The following NRG3 variants were observed in gnomAD, a reference collection of about 807,000 sequenced individuals.
NRG3 encodes the protein neuregulin 3.
In NRG3, 31 loss-of-function variants were observed where a neutral mutation model predicts 66.9. That is an observed-to-expected ratio of 0.46 (90% CI 0.35 to 0.63). The LOEUF is 0.63. NRG3 is among the 20% of genes least tolerant of loss of function. The probability of loss-of-function intolerance (pLI) is 0.00; values close to 1 mark genes in which losing one functional copy is unlikely to be tolerated. For synonymous variants in NRG3, 393 were observed against 359.4 expected (o/e 1.09, Z -1.06); for missense variants, 910 against 878.9 (o/e 1.04, Z -0.45).
chr10:82,354,879 T>G (rs2083677947), intron 1 of NRG3, among the ~76,000 whole-genome samples: 1 of 152,130 alleles, frequency 6.6e-6, no homozygotes, highest in African/African-American at 2.4e-5. Flanking sequence ...CAGGGCCCAC[T>G]CTGAAATAAG....
intron 2 of NRG3, among the ~76,000 whole-genome samples, chr10:82,701,053 A>T (rs1447503369): frequency 1.3e-5 from 2 of 151,966 alleles, no homozygotes; most frequent in Non-Finnish European, 2.9e-5. Flanking sequence ...TATTATAATA[A>T]ATTATATATT....
intron 2 of NRG3, among the ~76,000 whole-genome samples, chr10:82,462,138 A>G (rs1034250774): frequency 1.3e-5 from 2 of 152,070 alleles, no homozygotes; most frequent in Non-Finnish European, 2.9e-5. Flanking sequence ...TCTCAAAATA[A>G]ATAAATAAAT....
intron 2 of NRG3, among the ~76,000 whole-genome samples, chr10:82,507,801 A>G (rs937566059): frequency 1.3e-5 from 2 of 152,318 alleles, no homozygotes; most frequent in South Asian, 4.1e-4. Context: ...GAACATATAC[A>G]TAGAGAAGTA....
At chr10:82,898,431 T>C (rs975784631) in intron 4 of NRG3, among the ~76,000 whole-genome samples, 2 of 152,110 alleles carry the variant, frequency 1.3e-5, no homozygotes, top group Non-Finnish European at 2.9e-5. Context: ...CCTACCCAGA[T>C]GGTCTTAAGG....
At chr10:82,706,781 G>T (rs2056317369) in intron 2 of NRG3, among the ~76,000 whole-genome samples, 1 of 151,954 alleles carries the variant, frequency 6.6e-6, no homozygotes, top group Non-Finnish European at 1.5e-5. Context: ...ATCACTTGAT[G>T]TCAGGGGTTC....
intron 3 of NRG3, among the ~76,000 whole-genome samples, chr10:82,778,801 G>A (rs1454903880): frequency 2.6e-5 from 4 of 152,258 alleles, no homozygotes; most frequent in East Asian, 1.9e-4. Flanking sequence ...CTAAATTTCC[G>A]AGGAGTGGGG....
chr10:82,481,760 G>A (rs189718898), intron 2 of NRG3, among the ~76,000 whole-genome samples: 6 of 152,160 alleles, frequency 3.9e-5, no homozygotes, highest in African/African-American at 7.2e-5. Flanking sequence ...CGAGGCAGGC[G>A]GATCACTTGA....
intron 2 of NRG3, among the ~76,000 whole-genome samples, chr10:82,386,643 A>G (rs1210593099): frequency 6.6e-6 from 1 of 152,158 alleles, no homozygotes; most frequent in Non-Finnish European, 1.5e-5. Context: ...TATTTTTACT[A>G]CTTTCCTTTA....
intron 1 of NRG3, among the ~76,000 whole-genome samples, chr10:82,044,339 C>A (rs1469110043): frequency 1.3e-5 from 2 of 152,064 alleles, no homozygotes; most frequent in East Asian, 3.9e-4. Context: ...GGACAGGATA[C>A]CCTTCCATCA....
chr10:82,928,748 C>T (rs1015310528), intron 4 of NRG3, among the ~76,000 whole-genome samples: 1 of 152,042 alleles, frequency 6.6e-6, no homozygotes, highest in Non-Finnish European at 1.5e-5. Flanking sequence ...TGGCTGTACT[C>T]CAATAAAACT....
At chr10:82,348,357 G>C (rs1250324931) in intron 1 of NRG3, among the ~76,000 whole-genome samples, 1 of 145,844 alleles carries the variant, frequency 6.9e-6, no homozygotes. Flanking sequence ...GAAATTCTGG[G>C]TTGAAAATTC....
At chr10:82,795,454 A>G (rs775445164) in intron 3 of NRG3, among the ~76,000 whole-genome samples, 2 of 152,142 alleles carry the variant, frequency 1.3e-5, no homozygotes, top group African/African-American at 2.4e-5. Context: ...TTGTCTTTCC[A>G]TCTCATCTCT....
At chr10:82,800,125 T>C (rs142813125) in intron 3 of NRG3, among the ~76,000 whole-genome samples, 5,928 of 152,308 alleles carry the variant, frequency 0.039, 155 homozygotes, top group Middle Eastern at 0.071. Flanking sequence ...TGCTTGAATC[T>C]TATTTCTCGG....
Position 82,189,071 on chromosome 10 carries a change from T to C in NRG3, c.824-169668T>C, listed in dbSNP as rs77497545. ...TATTCACATAATGAAATGGCTACTT[T>C]TGAAAACGGTTTAATTTTATATAAA... On this transcript the variant is annotated intron_variant, in intron 1 of 8. Transcript: ENST00000372141. Among the ~76,000 whole-genome samples the C allele has an allele frequency of 8.4e-3, 1,278 of 152,300 alleles. 16 individuals carry two copies. Among genetic ancestry groups the C allele is most frequent in the African/African-American group, 0.029 (1,209 of 41,578 alleles).
intron 1 of NRG3, among the ~76,000 whole-genome samples, chr10:82,267,740 C>T (rs1589528844): frequency 2.6e-5 from 4 of 152,126 alleles, no homozygotes; most frequent in African/African-American, 9.7e-5. Flanking sequence ...AGATTTGCGT[C>T]CTAATGGAAA....
rs140734072 is a variant in NRG3 at position 82,094,872 on chromosome 10, C to T, written c.823+218709C>T. Among the ~76,000 whole-genome samples the T allele has an allele frequency of 6.6e-5, 10 of 152,152 alleles. No homozygotes were observed. The East Asian group carries it at 1.7e-3, about 26-fold the overall frequency. ...TGGACATACAGTATGGAATAATAGA[C>T]ACTGGAGACTCAGAAGGGTGAGAGG... On this transcript the variant is annotated intron_variant, in intron 1 of 8. Transcript: ENST00000372141.
intron 2 of NRG3, among the ~76,000 whole-genome samples, chr10:82,447,561 T>C (rs548922844): frequency 6.6e-6 from 1 of 152,384 alleles, no homozygotes; most frequent in South Asian, 2.1e-4. Context: ...TTTACATGTA[T>C]TTATTCTTCC....
intron 1 of NRG3, among the ~76,000 whole-genome samples, chr10:82,262,900 A>T (rs1178936282): frequency 6.6e-6 from 1 of 152,196 alleles, no homozygotes; most frequent in Non-Finnish European, 1.5e-5. Flanking sequence ...GCTGATTAAG[A>T]ATCTTAGCAC....
In NRG3 at chr10:81,875,723, C is replaced by G. The variant is rs2132420948; in HGVS notation, c.383C>G (p.Thr128Ser). The G allele has an allele frequency of 1.9e-6, 3 of 1,605,222 alleles. No homozygotes were observed. The highest frequency in any genetic ancestry group is 2.5e-6 in the Non-Finnish European group (3 of 1,179,796). Residue 128 changes from threonine to serine, a missense_variant, in exon 1 of 9, where the codon ACC (threonine) becomes AGC (serine). By Grantham distance (58) the Thr-to-Ser change is moderately conservative. Coordinates refer to ENST00000372141, the MANE Select transcript of NRG3 (RefSeq NM_001010848.4). This position sits in a 1 kb window ranked among gnomAD's most constrained non-coding sequence, Gnocchi z 5.3. ...PSSFPKAMET[T>S]TTTTSTTSPA... is the part of the protein sequence containing the mutation. ...TCTTTCCCCAAGGCCATGGAGACCACCACCACTACCACTTCCACCACGTCC... is the reference window on the plus strand; with the variant it reads ...TCTTTCCCCAAGGCCATGGAGACCAGCACCACTACCACTTCCACCACGTCC...
Sources: allele counts gnomAD v4.1 joint callset (sites outside exome capture counted in the v4.1 genomes callset), GRCh38; gene constraint gnomAD v4.1.1; non-coding constraint Gnocchi (gnomAD v3.1); transcripts MANE v1.5; gene names NCBI Gene and HGNC (gene_info 2026-07-23, HGNC 2026-07-21).